TAFA4: variants seen among roughly 807,000 people sequenced by gnomAD.
The protein encoded by TAFA4 is TAFA chemokine like family member 4, also known as chemokine-like protein TAFA-4.
A neutral mutation model predicts 21.1 loss-of-function variants in TAFA4; 20 were observed. The observed-to-expected ratio is 0.95, with a 90% CI of 0.67 to 1.38. TAFA4 has a LOEUF of 1.38. Ranked by LOEUF, TAFA4 falls within the 40% of genes most tolerant of loss-of-function variation. TAFA4 has a pLI of 0.00. For synonymous variants in TAFA4, 71 were observed against 67.4 expected (o/e 1.05, Z -0.26); for missense variants, 211 against 180.9 (o/e 1.17, Z -0.95).
intron 4 of TAFA4, among the ~76,000 whole-genome samples, chr3:68,749,902 C>T (rs1702530230): frequency 6.6e-6 from 1 of 152,322 alleles, no homozygotes; most frequent in African/African-American, 2.4e-5. Context: ...CTACTAGCCA[C>T]ACTGGACATA....
chr3:68,892,681 T>C (rs1438202035), intron 1 of TAFA4, among the ~76,000 whole-genome samples: 4 of 152,248 alleles, frequency 2.6e-5, no homozygotes, highest in African/African-American at 7.2e-5. Context: ...GTTTACACTC[T>C]GTCACTTTAA....
chr3:68,767,535 T>C (rs1463226562), intron 3 of TAFA4, among the ~76,000 whole-genome samples: 1 of 152,046 alleles, frequency 6.6e-6, no homozygotes, highest in African/African-American at 2.4e-5. Flanking sequence ...AGTTGATGTA[T>C]CAATAAATTG....
intron 3 of TAFA4, among the ~76,000 whole-genome samples, chr3:68,864,578 T>C (rs1046056058): frequency 2.0e-5 from 3 of 152,150 alleles, no homozygotes; most frequent in African/African-American, 7.2e-5. Context: ...GAACCAGCCA[T>C]TCTTCTCCCA....
At chr3:68,742,452 A>AGT (rs112338250) in intron 4 of TAFA4, among the ~76,000 whole-genome samples, 2,375 of 152,324 alleles carry the variant, frequency 0.016, 47 homozygotes, top group East Asian at 0.052. Flanking sequence ...CAGAAACTCT[A>AGT]GTTCAAACAA....
At chr3:68,832,100 C>T (rs773687961) in intron 3 of TAFA4, among the ~76,000 whole-genome samples, 8 of 152,106 alleles carry the variant, frequency 5.3e-5, no homozygotes, top group Non-Finnish European at 1.2e-4. Context: ...TCAAGGTTTT[C>T]AGCTTCCTTG....
intron 5 of TAFA4, among the ~76,000 whole-genome samples, 168 bp downstream of exon 5, chr3:68,738,907 T>A (rs115742590): frequency 5.1e-4 from 77 of 152,320 alleles, no homozygotes; most frequent in African/African-American, 1.8e-3. Flanking sequence ...ACACACAGAA[T>A]GATGCCGGGA....
At chr3:68,817,732 A>C (rs543442632) in intron 3 of TAFA4, among the ~76,000 whole-genome samples, 14 of 152,214 alleles carry the variant, frequency 9.2e-5, no homozygotes, top group Admixed American at 7.2e-4. Context: ...GGGCATTGTC[A>C]ATGAGCAGTA....
intron 3 of TAFA4, among the ~76,000 whole-genome samples, chr3:68,795,005 C>CACAA (rs1703427638): frequency 6.9e-6 from 1 of 145,762 alleles, no homozygotes; most frequent in Non-Finnish European, 1.5e-5. Flanking sequence ...TCTCAATACA[C>CACAA]ACACACACAC....
rs374609099 is a variant in TAFA4 at position 68,753,035 on chromosome 3, G to A, written c.131-17C>T. ...GGTGGTGACCTAGTTGGTAATGGGGGAGAAAAACAAACCCAGTGCTGTTAG... is the reference window on the plus strand; with the variant it reads ...GGTGGTGACCTAGTTGGTAATGGGGAAGAAAAACAAACCCAGTGCTGTTAG... On this transcript the variant is annotated splice_polypyrimidine_tract_variant and intron_variant, in intron 3 of 5. Coordinates refer to ENST00000295569, the MANE Select transcript of TAFA4 (RefSeq NM_182522.5). 1.2e-6 allele frequency: 2 copies of A among 1,608,850 alleles called. No homozygotes were observed. The highest frequency in any genetic ancestry group is 2.2e-5 in the East Asian group (1 of 44,710).
intron 3 of TAFA4, among the ~76,000 whole-genome samples, chr3:68,811,569 T>A (rs1703839953): frequency 6.6e-6 from 1 of 152,076 alleles, no homozygotes. Flanking sequence ...GAAGAAAGGG[T>A]ATCAGTGATG....
At chr3:68,925,658 A>G (rs1327672035) in intron 1 of TAFA4, among the ~76,000 whole-genome samples, 1 of 152,236 alleles carries the variant, frequency 6.6e-6, no homozygotes, top group African/African-American at 2.4e-5. Flanking sequence ...TGGATGTTTT[A>G]TGACTAATAT....
At chr3:68,818,906 A>G (rs933249573) in intron 3 of TAFA4, among the ~76,000 whole-genome samples, 14 of 152,240 alleles carry the variant, frequency 9.2e-5, no homozygotes, top group African/African-American at 3.4e-4. Flanking sequence ...AAATAAGCAC[A>G]TGCTGCTGGA....
chr3:68,899,301 T>C (rs947374394), intron 1 of TAFA4, among the ~76,000 whole-genome samples: 1 of 152,138 alleles, frequency 6.6e-6, no homozygotes, highest in Non-Finnish European at 1.5e-5. Flanking sequence ...ATTTTAGACA[T>C]AGCCAGCTAA....
Position 68,733,537 on chromosome 3 carries a change from CT to C in TAFA4, c.412-385del, listed in dbSNP as rs150571205. On this transcript the variant is annotated intron_variant, in intron 5 of 5. Coordinates refer to ENST00000295569, the MANE Select transcript of TAFA4 (RefSeq NM_182522.5). ...GTGCATGTCAAGATAAAAATGTTGC[CT>C]TTTTTATGTTATTTTTTATGCAGTT... 2.8e-4 allele frequency among the ~76,000 whole-genome samples: 42 copies of C among 152,152 alleles called. No individual in the cohort carries two copies. In the East Asian group the frequency reaches 7.2e-3, roughly 26 times the overall value.
chr3:68,890,651 G>A (rs1409339519), intron 1 of TAFA4, among the ~76,000 whole-genome samples: 2 of 152,340 alleles, frequency 1.3e-5, no homozygotes, highest in Non-Finnish European at 2.9e-5. Flanking sequence ...CACTTAGCTA[G>A]TAAGTGGCTG....
chr3:68,907,432 G>A (rs980215828), intron 1 of TAFA4, among the ~76,000 whole-genome samples: 3 of 152,090 alleles, frequency 2.0e-5, no homozygotes, highest in African/African-American at 7.2e-5. Context: ...AGCTGAACCC[G>A]GCAGAAAATG....
intron 3 of TAFA4, among the ~76,000 whole-genome samples, chr3:68,855,225 C>A (rs1705044923): frequency 6.6e-6 from 1 of 152,090 alleles, no homozygotes; most frequent in Non-Finnish European, 1.5e-5. Context: ...AGAAAAAATA[C>A]AATCTAGATT....
intron 3 of TAFA4, among the ~76,000 whole-genome samples, chr3:68,800,057 T>A (rs763783816): frequency 6.6e-6 from 1 of 152,158 alleles, no homozygotes; most frequent in African/African-American, 2.4e-5. Flanking sequence ...ATGGGACTAA[T>A]TGCAGGAAGA....
chr3:68,877,689 G>A (rs1286593605), intron 3 of TAFA4, among the ~76,000 whole-genome samples: 40 of 152,150 alleles, frequency 2.6e-4, no homozygotes, highest in Admixed American at 2.6e-3. Context: ...CTTCGCCACA[G>A]TCAGCTTACT....
Sources: allele counts gnomAD v4.1 joint callset (sites outside exome capture counted in the v4.1 genomes callset), GRCh38; gene constraint gnomAD v4.1.1; transcripts MANE v1.5; gene names NCBI Gene and HGNC (gene_info 2026-07-23, HGNC 2026-07-21).